Variants in CDH20 observed in about 807,000 individuals in gnomAD.
CDH20 encodes cadherin 20.
A neutral mutation model predicts 74.2 loss-of-function variants in CDH20; 29 were observed. The observed-to-expected ratio is 0.39, with a 90% CI of 0.29 to 0.53. The LOEUF is 0.53. CDH20 is among the 20% of genes least tolerant of loss of function. The pLI, the probability that CDH20 is intolerant of heterozygous loss-of-function variation, is 0.69. For missense variants in CDH20, 988 were observed against 1,048.3 expected (o/e 0.94, Z 0.79); for synonymous variants, 469 against 405.4 (o/e 1.16, Z -1.88).
intron 1 of CDH20, among the ~76,000 whole-genome samples, chr18:61,392,055 T>C (rs1911803186): frequency 6.6e-6 from 1 of 152,066 alleles, no homozygotes; most frequent in African/African-American, 2.4e-5. Flanking sequence ...CACTTAAAAA[T>C]TGTAATAGCT....
intron 2 of CDH20, among the ~76,000 whole-genome samples, chr18:61,495,022 T>C (rs992844281): frequency 6.6e-6 from 1 of 152,180 alleles, no homozygotes; most frequent in African/African-American, 2.4e-5. Context: ...GCTGAAGATC[T>C]TAAAAACTAA....
Position 61,527,860 on chromosome 18 carries a change from G to A in CDH20, c.1018-107G>A, listed in dbSNP as rs544202951. 4.9e-6 allele frequency: 5 copies of A among 1,027,858 alleles called. No individual in the cohort carries two copies. In the East Asian group the frequency reaches 9.6e-5, roughly 20 times the overall value. 63.7% of individuals were successfully genotyped at this position (1,027,858 alleles called of 1,614,324 possible). A position where few individuals can be genotyped will look rare whatever the true frequency, so the allele number is the denominator to read the frequency against. On this transcript the variant is annotated intron_variant, in intron 6 of 11. Transcript: ENST00000262717. ...TTACCTTTTTCCCACTTAATGAATTGGAGAATCTTCCCACCAGCCATCAAT... is the reference window on the plus strand; with the variant it reads ...TTACCTTTTTCCCACTTAATGAATTAGAGAATCTTCCCACCAGCCATCAAT...
At chr18:61,495,884 C>G (rs1911121564) in intron 2 of CDH20, among the ~76,000 whole-genome samples, 1 of 152,098 alleles carries the variant, frequency 6.6e-6, no homozygotes, top group Admixed American at 6.5e-5. Context: ...GGCTTATGGG[C>G]CTCAGAAACC....
rs1912930580 is a variant in CDH20 at position 61,538,972 on chromosome 18, T to TC, written c.1409-51dup. 1.9e-6 allele frequency: 3 copies of TC among 1,597,490 alleles called. No homozygotes were observed. In the South Asian group the frequency reaches 3.4e-5, roughly 18 times the overall value. Reference sequence around the variant, plus strand: ...TAGCAAAAACCATTACTCTTTTTTTTCTTTTGGCATTACTAAACTCTCAGA... The same window carrying TC: ...TAGCAAAAACCATTACTCTTTTTTTTCCTTTTGGCATTACTAAACTCTCAGA... On this transcript the variant is annotated intron_variant, in intron 8 of 11. Coordinates refer to ENST00000262717, the MANE Select transcript of CDH20 (RefSeq NM_031891.4).
chr18:61,510,177 A>G (rs1911729119), intron 6 of CDH20, among the ~76,000 whole-genome samples: 1 of 152,098 alleles, frequency 6.6e-6, no homozygotes, highest in Non-Finnish European at 1.5e-5. Flanking sequence ...AACAAATGAG[A>G]TTCCAAGGGA....
intron 1 of CDH20, among the ~76,000 whole-genome samples, chr18:61,472,151 C>T (rs944511066): frequency 3.9e-5 from 6 of 152,084 alleles, no homozygotes; most frequent in African/African-American, 1.4e-4. Flanking sequence ...AGCTCCCCTT[C>T]CTTGTATACC....
intron 1 of CDH20, among the ~76,000 whole-genome samples, chr18:61,349,216 T>C (rs148332934): frequency 2.5e-4 from 38 of 152,324 alleles, no homozygotes; most frequent in South Asian, 6.2e-4. Context: ...ATCTCCTGTT[T>C]GATTTTCACC....
intron 1 of CDH20, among the ~76,000 whole-genome samples, chr18:61,364,462 G>A (rs1191722577): frequency 2.6e-5 from 4 of 152,202 alleles, no homozygotes; most frequent in Admixed American, 6.5e-5. Flanking sequence ...ACAGGCATGC[G>A]CCACCACACC....
At chr18:61,508,158 A>G (rs955415822) in intron 6 of CDH20, among the ~76,000 whole-genome samples, 1 of 152,244 alleles carries the variant, frequency 6.6e-6, no homozygotes. Flanking sequence ...GAGCTAGAAG[A>G]TAAAACTTTT....
At position 61,554,245 on chromosome 18, in the gene CDH20, C is replaced by T. The variant is rs867377075; in HGVS notation, c.1956C>T (p.Ile652=). The T allele has an allele frequency of 1.2e-6, 2 of 1,613,994 alleles. No individual in the cohort carries two copies. The highest frequency in any genetic ancestry group is 1.3e-5 in the African/African-American group (1 of 75,050). ...MRRHRKQPYI[I]DDEENIHENI... ...GGCACCGGAAACAACCATACATCAT[C>T]GACGACGAGGAAAACATCCACGAGA... is the stretch of plus-strand genomic sequence containing the variant. The change falls in exon 12 of 12, where the codon ATC becomes ATT. Residue 652 remains isoleucine, a synonymous_variant. Transcript: ENST00000262717.
chr18:61,450,866 C>A (rs573204652), intron 1 of CDH20, among the ~76,000 whole-genome samples: 6 of 152,130 alleles, frequency 3.9e-5, no homozygotes, highest in African/African-American at 4.8e-5. Context: ...ATTTACTTAG[C>A]CAATCCTGTG....
At chr18:61,391,171 G>A (rs1911767840) in intron 1 of CDH20, among the ~76,000 whole-genome samples, 1 of 152,110 alleles carries the variant, frequency 6.6e-6, no homozygotes, top group Non-Finnish European at 1.5e-5. Flanking sequence ...AAAAGAAATA[G>A]ATAATCTACA....
At chr18:61,422,977 T>C (rs1303353226) in intron 1 of CDH20, among the ~76,000 whole-genome samples, 1 of 152,200 alleles carries the variant, frequency 6.6e-6, no homozygotes, top group African/African-American at 2.4e-5. Context: ...TTGTTATTTT[T>C]GTAATTTAGG....
rs551150214 is a variant in CDH20 at position 61,500,671 on chromosome 18, G to C, written c.661+169G>C. Among the ~76,000 whole-genome samples, 104 of 152,304 alleles carry C rather than the reference G, an allele frequency of 6.8e-4. 1 individual carries two copies. Among genetic ancestry groups the C allele is most frequent in the African/African-American group, 2.4e-3 (100 of 41,556 alleles). On this transcript the variant is annotated intron_variant, in intron 4 of 11. Coordinates refer to ENST00000262717, the MANE Select transcript of CDH20 (RefSeq NM_031891.4). ...GAGCAAACTAGCACTGCCCTGACAG[G>C]TAAGAGCAGCACTATGCATAGACAG...
chr18:61,367,346 G>C (rs570641189), intron 1 of CDH20, among the ~76,000 whole-genome samples: 1 of 152,292 alleles, frequency 6.6e-6, no homozygotes, highest in East Asian at 1.9e-4. Context: ...TTCATACTAA[G>C]AGAAATTAAA....
At position 61,497,106 on chromosome 18, in the gene CDH20, AG is replaced by A. The variant is rs11319319; in HGVS notation, c.247-2079del. Among the ~76,000 whole-genome samples, 540 of 137,646 alleles carry A rather than the reference AG, an allele frequency of 3.9e-3. 4 individuals are homozygous for A. Among genetic ancestry groups the A allele is most frequent in the African/African-American group, 0.012 (468 of 37,474 alleles). The allele number at this position is 137,646 out of a possible 152,430, so 90.3% of individuals were successfully genotyped here. On this transcript the variant is annotated intron_variant, in intron 2 of 11. Transcript: ENST00000262717. ...TTTGGATTGTAAAAAAAAAAAAGAAAGAAAGAAAGAAAGAAAGAAAAAAGAA... is the reference window on the plus strand; with the variant it reads ...TTTGGATTGTAAAAAAAAAAAAGAAAAAAGAAAGAAAGAAAGAAAAAAGAA...
At chr18:61,414,838 A>G (rs1178698556) in intron 1 of CDH20, among the ~76,000 whole-genome samples, 1 of 151,990 alleles carries the variant, frequency 6.6e-6, no homozygotes, top group Non-Finnish European at 1.5e-5. Context: ...ATAACATAGA[A>G]TTTACTATTT....
Position 61,490,548 on chromosome 18 carries a change from A to G in CDH20, c.-6A>G. Reference sequence around the variant, plus strand: ...CTCCTTCATTTTCTGAAAACCTGGCAATCCCATGTGGACTTCTGGTAGAAT... The same window carrying G: ...CTCCTTCATTTTCTGAAAACCTGGCGATCCCATGTGGACTTCTGGTAGAAT... On this transcript the variant is annotated 5_prime_UTR_variant, in exon 2 of 12. Coordinates refer to ENST00000262717, the MANE Select transcript of CDH20 (RefSeq NM_031891.4). The G allele has an allele frequency of 1.2e-6, 2 of 1,610,486 alleles. No individual in the cohort carries two copies. The highest frequency in any genetic ancestry group is 1.7e-6 in the Non-Finnish European group (2 of 1,176,928).
At chr18:61,461,369 T>C (rs1382503020) in intron 1 of CDH20, among the ~76,000 whole-genome samples, 6 of 150,264 alleles carry the variant, frequency 4.0e-5, no homozygotes, top group Non-Finnish European at 7.4e-5. Context: ...ATTTTCTCAG[T>C]TCTGGAAGGT....
Sources: allele counts gnomAD v4.1 joint callset (sites outside exome capture counted in the v4.1 genomes callset), GRCh38; gene constraint gnomAD v4.1.1; transcripts MANE v1.5; gene names NCBI Gene and HGNC (gene_info 2026-07-23, HGNC 2026-07-21).